The following JARID2 variants were observed in gnomAD, a reference collection of about 807,000 sequenced individuals.
JARID2 encodes jumonji and AT-rich interaction domain containing 2, also known as protein Jumonji.
Under a neutral mutation model 125.6 loss-of-function variants are expected in JARID2, and 21 were observed. The observed-to-expected ratio is 0.17, with a 90% CI of 0.12 to 0.24. The LOEUF is 0.24. JARID2 is among the 10% of genes least tolerant of loss of function. The pLI is 1.00. For synonymous variants in JARID2, 736 were observed against 661.6 expected, an observed-to-expected ratio of 1.11 and a Z score of -1.73; for missense variants, 1,303 against 1,639.6, an observed-to-expected ratio of 0.79 and a Z score of 3.55.
chr6:15,349,360 G>T (rs1289357799), intron 1 of JARID2, among the ~76,000 whole-genome samples: 1 of 152,182 alleles, frequency 6.6e-6, no homozygotes, highest in Non-Finnish European at 1.5e-5. Context: ...ACAACATTGT[G>T]TGCCCTAATT....
chr6:15,320,884 T>G lies in JARID2; in HGVS notation c.46-53233T>G, dbSNP rs12204752. ...TGTGTGTGTGTGTGTGTGTGTGTGTTAGTTAAACTTGCATGTGAAGTATGA... is the reference window on the plus strand; with the variant it reads ...TGTGTGTGTGTGTGTGTGTGTGTGTGAGTTAAACTTGCATGTGAAGTATGA... On this transcript the variant is annotated intron_variant, in intron 1 of 17. Coordinates refer to ENST00000341776, the MANE Select transcript of JARID2 (RefSeq NM_004973.4). Among the ~76,000 whole-genome samples the G allele has an allele frequency of 7.8e-4, 94 of 120,262 alleles. 2 individuals carry two copies. The highest frequency in any genetic ancestry group is 4.0e-3 in the South Asian group (17 of 4,198). 78.9% of individuals were successfully genotyped at this position (120,262 alleles called of 152,430 possible).
intron 1 of JARID2, among the ~76,000 whole-genome samples, chr6:15,255,164 C>T (rs1286228040): frequency 8.2e-6 from 1 of 122,572 alleles, no homozygotes; most frequent in Non-Finnish European, 1.6e-5. Flanking sequence ...TTTTTTGAGA[C>T]GAGTCTCACT....
At chr6:15,435,065 T>C (rs1169472423) in intron 3 of JARID2, among the ~76,000 whole-genome samples, 2 of 152,214 alleles carry the variant, frequency 1.3e-5, no homozygotes, top group Non-Finnish European at 2.9e-5. Flanking sequence ...GGTGTTAGTT[T>C]CCTGTTTTTC....
chr6:15,341,100 T>C (rs1389117941), intron 1 of JARID2, among the ~76,000 whole-genome samples: 1 of 152,222 alleles, frequency 6.6e-6, no homozygotes, highest in Non-Finnish European at 1.5e-5. Flanking sequence ...CATGTGATGT[T>C]AGAAAAAGTG....
At chr6:15,262,300 TTCTG>T (rs769156493) in intron 1 of JARID2, among the ~76,000 whole-genome samples, 4 of 152,152 alleles carry the variant, frequency 2.6e-5, no homozygotes, top group Non-Finnish European at 5.9e-5. Flanking sequence ...ACGAATCATT[TTCTG>T]TCTTTGTGCT....
At chr6:15,398,116 A>G (rs1434461491) in intron 2 of JARID2, among the ~76,000 whole-genome samples, 1 of 152,202 alleles carries the variant, frequency 6.6e-6, no homozygotes, top group Non-Finnish European at 1.5e-5. Context: ...ACAAAATGCT[A>G]TTTATATATG....
At chr6:15,320,883 T>TGTGTGTGTGTGTGTGTG (rs773153042) in intron 1 of JARID2, among the ~76,000 whole-genome samples, 40 of 151,312 alleles carry the variant, frequency 2.6e-4, no homozygotes, top group Non-Finnish European at 4.6e-4. Flanking sequence ...TGTGTGTGTG[T>TGTGTGTGTGTGTGTGTG]TAGTTAAACT....
intron 1 of JARID2, among the ~76,000 whole-genome samples, chr6:15,314,208 C>T (rs935112896): frequency 2.2e-4 from 33 of 152,214 alleles, no homozygotes; most frequent in Non-Finnish European, 3.2e-4. Flanking sequence ...TCCCCCACTC[C>T]TGTGGTCTCC....
rs1561916724 is a variant in JARID2, at chr6:15,511,312, G to A, written c.2863G>A (p.Glu955Lys). The change falls in exon 13 of 18, where the codon GAG (glutamate) becomes AAG (lysine). Residue 955 changes from glutamate to lysine, a missense_variant. Glu to Lys is a moderately conservative substitution (Grantham distance 56). Around this residue, in one of 11 missense-constraint regions of JARID2, gnomAD observed 190 missense variants for 341.4 expected, o/e 0.56. Coordinates refer to ENST00000341776, the MANE Select transcript of JARID2 (RefSeq NM_004973.4). ...ADCIWYCIPA[E>K]EENKLEDVVH... ...ATGACCCAGGTATTGCATTCCTGCTGAGGAGGAGAACAAGCTGGAAGATGT... is the reference window on the plus strand; with the variant it reads ...ATGACCCAGGTATTGCATTCCTGCTAAGGAGGAGAACAAGCTGGAAGATGT... 2 of 1,613,402 alleles carry A rather than the reference G, an allele frequency of 1.2e-6. No individual in the cohort carries two copies. The highest frequency in any genetic ancestry group is 3.3e-4 in the Middle Eastern group (2 of 6,056).
chr6:15,461,652 A>G (rs1768454915), intron 4 of JARID2, among the ~76,000 whole-genome samples: 1 of 152,210 alleles, frequency 6.6e-6, no homozygotes, highest in South Asian at 2.1e-4. Context: ...TCACCTATGG[A>G]AAGAATGACA....
intron 3 of JARID2, among the ~76,000 whole-genome samples, chr6:15,442,460 T>C (rs1767488065): frequency 6.6e-6 from 1 of 152,266 alleles, no homozygotes; most frequent in Non-Finnish European, 1.5e-5. Context: ...TGTGTTACTC[T>C]GACTCTTACT....
intron 1 of JARID2, among the ~76,000 whole-genome samples, chr6:15,322,972 C>T (rs142877502): frequency 8.5e-5 from 13 of 152,356 alleles, no homozygotes; most frequent in Non-Finnish European, 1.3e-4. Flanking sequence ...TCTGAATTAT[C>T]TGGTTCATTT....
At chr6:15,282,530 TTCTC>T (rs1052747723) in intron 1 of JARID2, among the ~76,000 whole-genome samples, 5 of 151,968 alleles carry the variant, frequency 3.3e-5, no homozygotes, top group South Asian at 2.1e-4. Context: ...CTCTCTTTTG[TTCTC>T]TCTCTTTCTC....
intron 2 of JARID2, among the ~76,000 whole-genome samples, chr6:15,381,215 C>T (rs868042795): frequency 9.3e-5 from 14 of 151,174 alleles, no homozygotes; most frequent in Middle Eastern, 6.8e-3. Flanking sequence ...AAAAATTAGC[C>T]GGGCGTGGTG....
intron 3 of JARID2, among the ~76,000 whole-genome samples, chr6:15,439,352 C>T (rs552939951): frequency 4.6e-5 from 7 of 152,250 alleles, no homozygotes; most frequent in South Asian, 4.2e-4. Context: ...ATTAGGATGT[C>T]GTGCAATTTA....
In JARID2 at chr6:15,513,222, T is replaced by C; in HGVS notation, c.3267-17T>C. The stretch of plus-strand genomic sequence containing the variant: ...AGGCCGTCACTAAAGGTGCGGGCCG[T>C]CTCCCGTGTCTGGCAGGGATACAGA... On this transcript the variant is annotated splice_polypyrimidine_tract_variant and intron_variant, in intron 15 of 17. Coordinates refer to ENST00000341776, the MANE Select transcript of JARID2 (RefSeq NM_004973.4). 2 of 1,553,052 alleles carry C rather than the reference T, an allele frequency of 1.3e-6. No homozygotes were observed. Among genetic ancestry groups the C allele is most frequent in the Non-Finnish European group, 1.7e-6 (2 of 1,146,452 alleles).
intron 6 of JARID2, among the ~76,000 whole-genome samples, chr6:15,491,965 A>G (rs538566962): frequency 6.6e-6 from 1 of 152,354 alleles, no homozygotes; most frequent in East Asian, 1.9e-4. Context: ...AGAATGAGGT[A>G]TTGTTGCCAG....
Position 15,496,893 on chromosome 6 carries a change from G to C in JARID2, c.1668G>C (p.Glu556Asp). 8 of 1,601,864 alleles carry C rather than the reference G, an allele frequency of 5.0e-6. No homozygotes were observed. The highest frequency in any genetic ancestry group is 6.8e-6 in the Non-Finnish European group (8 of 1,172,012). Residue 556 changes from glutamate to aspartate, a missense_variant, in exon 7 of 18, where the codon GAG becomes GAC. By Grantham distance (45) the Glu-to-Asp change is conservative (BLOSUM62 2). Coordinates refer to ENST00000341776, the MANE Select transcript of JARID2 (RefSeq NM_004973.4). The stretch of plus-strand genomic sequence containing the variant: ...AGGCCGGGTGGGCGGCCATGGACGA[G>C]ATCCCCGTCCTCAGGCCCTCCGCCA... The part of the protein sequence containing the change: ...GGKAGWAAMD[E>D]IPVLRPSAKE...
intron 1 of JARID2, among the ~76,000 whole-genome samples, chr6:15,368,186 A>G (rs1764043127): frequency 6.6e-6 from 1 of 152,198 alleles, no homozygotes; most frequent in African/African-American, 2.4e-5. Context: ...ACTTGGTTAT[A>G]TTATGCACAC....
Sources: gnomAD v4.1 joint callset for allele counts (sites outside exome capture counted in the v4.1 genomes callset) on GRCh38, gnomAD v4.1.1 for gene constraint, gnomAD v4.1.1 regional missense constraint, MANE v1.5 for transcripts, NCBI Gene and HGNC (gene_info 2026-07-23, HGNC 2026-07-21) for gene names.